The following PHACTR2 variants were observed in gnomAD, a reference collection of about 807,000 sequenced individuals.
The protein encoded by PHACTR2 is chromosome 6 open reading frame 56.
A neutral mutation model predicts 76.0 loss-of-function variants in PHACTR2; 30 were observed. The observed-to-expected ratio is 0.39, with a 90% confidence interval of 0.30 to 0.54. PHACTR2 has a LOEUF of 0.54. Among genes scored for constraint, PHACTR2 ranks in the 20% least tolerant of loss-of-function variants. The pLI is 0.61. For missense variants in PHACTR2, 696 were observed against 781.1 expected, an observed-to-expected ratio of 0.89 and a Z score of 1.30; for synonymous variants, 292 against 292.5, an observed-to-expected ratio of 1.00 and a Z score of 0.02.
chr6:143,716,305 T>G (rs1461495937), intron 2 of PHACTR2, among the ~76,000 whole-genome samples: 1 of 151,966 alleles, frequency 6.6e-6, no homozygotes, highest in Non-Finnish European at 1.5e-5. Flanking sequence ...GTAGGAGTAT[T>G]TAGGTGGGGC....
In PHACTR2 at chr6:143,571,702, T is replaced by C. The variant is rs750539320; in HGVS notation, c.217+34495T>C. The stretch of plus-strand genomic sequence containing the variant: ...CGAGAGTTTGGTACAAGTTTACTCC[T>C]GTGTCCATTTGCCATGCTCCCATCA... On this transcript the variant is annotated intron_variant, in intron 1 of 11. Coordinates refer to the PHACTR2 transcript ENST00000367584. The surrounding 1 kb of genome is among the most constrained non-coding windows in gnomAD (Gnocchi z 4.6). Among the ~76,000 whole-genome samples, 3 of 152,200 alleles carry C rather than the reference T, an allele frequency of 2.0e-5. No homozygotes were observed. The highest frequency in any genetic ancestry group is 4.4e-5 in the Non-Finnish European group (3 of 68,042).
At position 143,722,730 on chromosome 6, in the gene PHACTR2, T is replaced by C. The variant is rs1778472642; in HGVS notation, c.214+10547T>C. Among the ~76,000 whole-genome samples, 1 of 152,178 alleles carries C rather than the reference T, an allele frequency of 6.6e-6. No homozygotes were observed. The highest frequency in any genetic ancestry group is 2.4e-5 in the African/African-American group (1 of 41,438). ...TCTATTCTTTCTATCTAACTGTACA[T>C]TTGTACCCCTTAACCATCCCTCCTC... On this transcript the variant is annotated intron_variant, in intron 2 of 12. Transcript: ENST00000440869. The surrounding 1 kb of genome is among the most constrained non-coding windows in gnomAD (Gnocchi z 4.1).
At chr6:143,593,224 T>C (rs1775712584) in intron 1 of PHACTR2, among the ~76,000 whole-genome samples, 2 of 152,072 alleles carry the variant, frequency 1.3e-5, no homozygotes, top group South Asian at 2.1e-4. Context: ...CCTGTCCTCA[T>C]AGGAAGTCCT....
rs906651492 is a variant in PHACTR2 at position 143,803,407 on chromosome 6, G to T, written c.1846-3650G>T. ...ACAAAAGATACAAAAAATTAGCCAG[G>T]CATGATGGCGCACACCTGTAGGCCC... On this transcript the variant is annotated intron_variant, in intron 11 of 12. Coordinates refer to ENST00000440869, the MANE Select transcript of PHACTR2 (RefSeq NM_001100164.2). The surrounding 1 kb of genome is among the most constrained non-coding windows in gnomAD (Gnocchi z 4.7). Among the ~76,000 whole-genome samples, 1 of 152,066 alleles carries T rather than the reference G, an allele frequency of 6.6e-6. No homozygotes were observed. The highest frequency in any genetic ancestry group is 1.5e-5 in the Non-Finnish European group (1 of 68,006).
intron 2 of PHACTR2, among the ~76,000 whole-genome samples, chr6:143,712,586 G>T (rs1003576246): frequency 6.6e-6 from 1 of 151,436 alleles, no homozygotes. Flanking sequence ...AATATTTAAC[G>T]ATTTAACTAG....
At position 143,537,273 on chromosome 6, in the gene PHACTR2, C is replaced by A. The variant is rs1289848332; in HGVS notation, c.217+66C>A. 6.2e-6 allele frequency: 1 copy of A among 160,146 alleles called. No individual in the cohort carries two copies. Among genetic ancestry groups the A allele is most frequent in the Non-Finnish European group, 1.3e-5 (1 of 75,192 alleles). The allele number at this position is 160,146 out of a possible 1,614,324, so 9.9% of individuals were successfully genotyped here. A position where few individuals can be genotyped will look rare whatever the true frequency, so the allele number is the denominator to read the frequency against. On this transcript the variant is annotated intron_variant, in intron 1 of 11. Transcript: ENST00000367584. This position sits in a 1 kb window ranked among gnomAD's most constrained non-coding sequence, Gnocchi z 4.4. The stretch of plus-strand genomic sequence containing the variant: ...CGGGCAGGTGGCCGCGAGGGCGACG[C>A]GGCCAACCCGGGGCGCCCGCGGGCA...
In PHACTR2 at chr6:143,783,317, T is replaced by G. The variant is rs1443484268; in HGVS notation, c.1707+37T>G. The G allele has an allele frequency of 1.6e-6, 2 of 1,274,026 alleles. No individual in the cohort carries two copies. The highest frequency in any genetic ancestry group is 1.5e-5 in the African/African-American group (1 of 67,954). The allele number at this position is 1,274,026 out of a possible 1,614,324, so 78.9% of individuals were successfully genotyped here. A position where few individuals can be genotyped will look rare whatever the true frequency, so the allele number is the denominator to read the frequency against. On this transcript the variant is annotated intron_variant, in intron 10 of 12. Coordinates refer to ENST00000440869, the MANE Select transcript of PHACTR2 (RefSeq NM_001100164.2). The surrounding 1 kb of genome is among the most constrained non-coding windows in gnomAD (Gnocchi z 5.2). ...ATAACTATTAATGAGCATATGTGTT[T>G]TGAGATATACTTTTAAAAAAAAATA...
chr6:143,699,079 C>T (rs1003699522), intron 1 of PHACTR2, among the ~76,000 whole-genome samples: 6 of 152,116 alleles, frequency 3.9e-5, no homozygotes, highest in African/African-American at 9.7e-5. Context: ...AGGTAGGTGC[C>T]GTCTGCTGAG....
Position 143,807,373 on chromosome 6 carries a change from T to C in PHACTR2, c.1922+240T>C, listed in dbSNP as rs905267960. On this transcript the variant is annotated intron_variant, in intron 12 of 12. Coordinates refer to ENST00000440869, the MANE Select transcript of PHACTR2 (RefSeq NM_001100164.2). The surrounding 1 kb of genome is among the most constrained non-coding windows in gnomAD (Gnocchi z 5.5). ...AGTCAATGTGACAGTTTTAAAGATATGACTAGATAAGATTGTAAATTTCTA... is the reference window on the plus strand; with the variant it reads ...AGTCAATGTGACAGTTTTAAAGATACGACTAGATAAGATTGTAAATTTCTA... Among the ~76,000 whole-genome samples the C allele has an allele frequency of 6.6e-6, 1 of 152,250 alleles. No individual in the cohort carries two copies. The highest frequency in any genetic ancestry group is 2.4e-5 in the African/African-American group (1 of 41,466).
intron 11 of PHACTR2, among the ~76,000 whole-genome samples, chr6:143,796,933 G>C (rs1775841969): frequency 6.6e-6 from 1 of 152,134 alleles, no homozygotes; most frequent in Non-Finnish European, 1.5e-5. Flanking sequence ...TCCAGTAATG[G>C]AATTGCTGGG....
chr6:143,574,132 G>A (rs895166950), intron 1 of PHACTR2, among the ~76,000 whole-genome samples: 8 of 152,176 alleles, frequency 5.3e-5, no homozygotes, highest in African/African-American at 1.4e-4. Flanking sequence ...GATTCAGTTC[G>A]TGCAGCTGTG....
rs1342232710 is a variant in PHACTR2, at chr6:143,761,287, G to A, written c.694+647G>A. Among the ~76,000 whole-genome samples the A allele has an allele frequency of 6.6e-6, 1 of 152,136 alleles. No individual in the cohort carries two copies. The highest frequency in any genetic ancestry group is 1.9e-4 in the East Asian group (1 of 5,184). ...AAGGCAAAACATCCTGGTGTCATGT[G>A]GTTATAAGTTACTATTATAAATCAC... On this transcript the variant is annotated intron_variant, in intron 5 of 12. Coordinates refer to ENST00000440869, the MANE Select transcript of PHACTR2 (RefSeq NM_001100164.2). The surrounding 1 kb of genome is among the most constrained non-coding windows in gnomAD (Gnocchi z 5.2).
rs531717565 is a variant in PHACTR2 at position 143,580,244 on chromosome 6, G to A, written c.217+43037G>A. On this transcript the variant is annotated intron_variant, in intron 1 of 11. Transcript: ENST00000367584. This position sits in a 1 kb window ranked among gnomAD's most constrained non-coding sequence, Gnocchi z 4.2. ...CTCACTCCTGTAATCCCAGCACTTT[G>A]GGAGGCCAAGGCAGGCAGATCACGA... is the stretch of plus-strand genomic sequence containing the variant. Among the ~76,000 whole-genome samples, 1 of 152,306 alleles carries A rather than the reference G, an allele frequency of 6.6e-6. No homozygotes were observed. Among genetic ancestry groups the A allele is most frequent in the African/African-American group, 2.4e-5 (1 of 41,556 alleles).
chr6:143,753,782 T>C lies in PHACTR2; in HGVS notation c.324T>C (p.Asn108=). The C allele has an allele frequency of 6.2e-7, 1 of 1,601,084 alleles. No individual in the cohort carries two copies. Among genetic ancestry groups the C allele is most frequent in the African/African-American group, 1.3e-5 (1 of 74,134 alleles). The change falls in exon 4 of 13, where the codon AAT becomes AAC. Residue 108 remains asparagine, a synonymous_variant. Coordinates refer to ENST00000440869, the MANE Select transcript of PHACTR2 (RefSeq NM_001100164.2). The surrounding 1 kb of genome is among the most constrained non-coding windows in gnomAD (Gnocchi z 4.6). ...GAGATGTAACAGTTAACTTTGAAAA[T>C]TCAAACGGGCACATGATACCCATCG... ...QDGDVTVNFE[N]SNGHMIPIGE...
Position 143,596,557 on chromosome 6 carries a change from G to C in PHACTR2, c.217+59350G>C, listed in dbSNP as rs148055503. Among the ~76,000 whole-genome samples the C allele has an allele frequency of 5.9e-5, 9 of 152,312 alleles. No individual in the cohort carries two copies. Among genetic ancestry groups the C allele is most frequent in the African/African-American group, 2.2e-4 (9 of 41,568 alleles). On this transcript the variant is annotated intron_variant, in intron 1 of 11. Coordinates refer to the PHACTR2 transcript ENST00000367584. The surrounding 1 kb of genome is among the most constrained non-coding windows in gnomAD (Gnocchi z 4.6). ...CTCTGTGTAAGAATCACAGCCATCA[G>C]GCCGGGCACTGTGGCTCATGCCTGT...
rs1400797638 is a variant in PHACTR2, at chr6:143,780,042, A to G, written c.1645+2659A>G. 6.6e-6 allele frequency among the ~76,000 whole-genome samples: 1 copy of G among 151,648 alleles called. No homozygotes were observed. Among genetic ancestry groups the G allele is most frequent in the African/African-American group, 2.4e-5 (1 of 41,316 alleles). On this transcript the variant is annotated intron_variant, in intron 9 of 12. Transcript: ENST00000440869. This position sits in a 1 kb window ranked among gnomAD's most constrained non-coding sequence, Gnocchi z 4.4. ...AAGTTCAACTTTTGCTAATCAAGAA[A>G]GGTGATGTATTTAGCTGAGAATGTA...
chr6:143,577,436 A>G (rs1359098030), intron 1 of PHACTR2, among the ~76,000 whole-genome samples: 1 of 152,234 alleles, frequency 6.6e-6, no homozygotes, highest in African/African-American at 2.4e-5. Context: ...GCTTTGTGAG[A>G]AGGGAAACAT....
In PHACTR2 at chr6:143,755,290, G is replaced by C; in HGVS notation, c.454+1378G>C. On this transcript the variant is annotated intron_variant, in intron 4 of 12. Coordinates refer to ENST00000440869, the MANE Select transcript of PHACTR2 (RefSeq NM_001100164.2). The surrounding 1 kb of genome is among the most constrained non-coding windows in gnomAD (Gnocchi z 5.2). ...TGATGTTTTTTGTTTAAGTCTTTCT[G>C]TCCTGTCTCGCCAGACTGTTGAATT... 1 of 456,026 alleles carries C rather than the reference G, an allele frequency of 2.2e-6. No individual in the cohort carries two copies. Among genetic ancestry groups the C allele is most frequent in the Non-Finnish European group, 4.4e-6 (1 of 226,792 alleles). The allele number at this position is 456,026 out of a possible 1,614,324, so 28.2% of individuals were successfully genotyped here. A position where few individuals can be genotyped will look rare whatever the true frequency, so the allele number is the denominator to read the frequency against.
At position 143,679,929 on chromosome 6, in the gene PHACTR2, T is replaced by C. The variant is rs1280489887; in HGVS notation, c.46+1720T>C. Among the ~76,000 whole-genome samples the C allele has an allele frequency of 1.3e-5, 2 of 152,186 alleles. No homozygotes were observed. Among genetic ancestry groups the C allele is most frequent in the African/African-American group, 4.8e-5 (2 of 41,440 alleles). The stretch of plus-strand genomic sequence containing the variant: ...AACGGTGTTATACTTAAATTGCAGG[T>C]CCTCAGTTTTGCGGATTAAAAGTTT... On this transcript the variant is annotated intron_variant, in intron 1 of 12. Transcript: ENST00000440869. The surrounding 1 kb of genome is among the most constrained non-coding windows in gnomAD (Gnocchi z 4.6).
Sources: allele counts gnomAD v4.1 joint callset (sites outside exome capture counted in the v4.1 genomes callset), GRCh38; gene constraint gnomAD v4.1.1; non-coding constraint Gnocchi (gnomAD v3.1); transcripts MANE v1.5; gene names NCBI Gene and HGNC (gene_info 2026-07-23, HGNC 2026-07-21).